Variants in SYNPR observed in about 807,000 individuals in gnomAD.
SYNPR encodes synaptoporin.
In SYNPR, 23 loss-of-function variants were observed where a neutral mutation model predicts 32.9. The observed-to-expected ratio is 0.70, with a 90% CI of 0.50 to 0.99. The LOEUF is 0.99. Ranked by LOEUF, SYNPR falls within the 50% of genes least tolerant of loss-of-function variation. The pLI is 0.00. For missense variants in SYNPR, 318 were observed against 349.3 expected (o/e 0.91, Z 0.71); for synonymous variants, 146 against 135.9 (o/e 1.07, Z -0.52).
intron 1 of SYNPR, among the ~76,000 whole-genome samples, chr3:63,229,142 C>T (rs1225424846): frequency 6.6e-6 from 1 of 152,064 alleles, no homozygotes; most frequent in Non-Finnish European, 1.5e-5. Flanking sequence ...GATTTATAGC[C>T]TTGGGCAAAA....
chr3:63,458,498 G>A (rs1700524386), intron 2 of SYNPR, among the ~76,000 whole-genome samples: 1 of 152,050 alleles, frequency 6.6e-6, no homozygotes, highest in African/African-American at 2.4e-5. Flanking sequence ...GTCATCAAGT[G>A]AACTAGCCTG....
At chr3:63,242,888 T>A (rs548380652) in intron 1 of SYNPR, among the ~76,000 whole-genome samples, 1 of 151,384 alleles carries the variant, frequency 6.6e-6, no homozygotes, top group South Asian at 2.1e-4. Flanking sequence ...GTTTGAAAAA[T>A]GGGAAAGAAT....
chr3:63,354,761 T>G (rs1460588663), intron 2 of SYNPR, among the ~76,000 whole-genome samples: 2 of 152,182 alleles, frequency 1.3e-5, no homozygotes, highest in African/African-American at 2.4e-5. Flanking sequence ...GTCTTCTGAG[T>G]GTAGAAAATA....
chr3:63,557,070 T>C (rs1575709469), intron 4 of SYNPR, among the ~76,000 whole-genome samples: 1 of 152,192 alleles, frequency 6.6e-6, no homozygotes, highest in South Asian at 2.1e-4. Flanking sequence ...AGGATGATCA[T>C]ATATTAATAA....
rs10566584 is a variant in SYNPR at position 63,613,610 on chromosome 3, CAAAAAAAAAAAA to C, written c.601-1596_601-1585del. Among the ~76,000 whole-genome samples, 27 of 46,048 alleles carry C rather than the reference CAAAAAAAAAAAA, an allele frequency of 5.9e-4. 1 individual carries two copies. The highest frequency in any genetic ancestry group is 5.1e-3 in the Admixed American group (12 of 2,366). The allele number at this position is 46,048 out of a possible 152,430, so 30.2% of individuals were successfully genotyped here. Reference sequence around the variant, plus strand: ...TGCCTCAGTTCAATTTATGCTGCAGCAAAAAAAAAAAAAAAAAAAAAAAAAAAAAGTCTGCAA... The same window carrying C: ...TGCCTCAGTTCAATTTATGCTGCAGCAAAAAAAAAAAAAAAAAGTCTGCAA... On this transcript the variant is annotated intron_variant, in intron 5 of 5. Coordinates refer to ENST00000478300, the MANE Select transcript of SYNPR (RefSeq NM_001130003.2).
chr3:63,592,247 C>G (rs62250834), intron 4 of SYNPR, among the ~76,000 whole-genome samples: 1 of 152,132 alleles, frequency 6.6e-6, no homozygotes, highest in Admixed American at 6.5e-5. Flanking sequence ...GCCCTGCTAA[C>G]ACTTCGGTTT....
chr3:63,240,730 GC>G (rs2086235214), intron 1 of SYNPR, among the ~76,000 whole-genome samples: 1 of 152,102 alleles, frequency 6.6e-6, no homozygotes, highest in Non-Finnish European at 1.5e-5. Context: ...TGGAGTCATT[GC>G]CAGTTACACG....
chr3:63,240,858 A>C (rs2086236159), intron 1 of SYNPR, among the ~76,000 whole-genome samples: 2 of 152,116 alleles, frequency 1.3e-5, no homozygotes, highest in African/African-American at 4.8e-5. Flanking sequence ...ATGCCAGCAC[A>C]TCACCAGCTA....
At chr3:63,237,666 G>C (rs756671172) in intron 1 of SYNPR, among the ~76,000 whole-genome samples, 2 of 152,090 alleles carry the variant, frequency 1.3e-5, no homozygotes, top group Non-Finnish European at 2.9e-5. Context: ...CAAGGTCCTA[G>C]TTAAATCTTC....
At chr3:63,268,232 T>G (rs2086507367) in intron 3 of SYNPR, among the ~76,000 whole-genome samples, 1 of 152,242 alleles carries the variant, frequency 6.6e-6, no homozygotes, top group Admixed American at 6.5e-5. Context: ...GAGGAAATCA[T>G]TAGGTTATGT....
chr3:63,422,125 A>T (rs1284427347), intron 2 of SYNPR, among the ~76,000 whole-genome samples: 1 of 152,192 alleles, frequency 6.6e-6, no homozygotes, highest in African/African-American at 2.4e-5. Flanking sequence ...AGGTTAGGAA[A>T]TTACACAGGG....
intron 2 of SYNPR, among the ~76,000 whole-genome samples, chr3:63,467,367 A>C (rs1559507726): frequency 6.6e-6 from 1 of 152,138 alleles, no homozygotes; most frequent in South Asian, 2.1e-4. Context: ...TAAACTAATG[A>C]ATTTGTTCCC....
the SYNPR span, among the ~76,000 whole-genome samples, chr3:63,207,619 T>C: frequency 1.3e-5 from 2 of 152,136 alleles, no homozygotes; most frequent in Non-Finnish European, 2.9e-5. Context: ...CTCAGTATAA[T>C]ATGAATCATG....
intron 2 of SYNPR, among the ~76,000 whole-genome samples, chr3:63,372,819 G>A (rs1438011171): frequency 2.0e-5 from 3 of 152,184 alleles, no homozygotes; most frequent in Non-Finnish European, 2.9e-5. Flanking sequence ...GCTAGCACTT[G>A]AGTGGGAGAG....
At chr3:63,414,306 A>G (rs1319938470) in intron 2 of SYNPR, among the ~76,000 whole-genome samples, 5 of 152,142 alleles carry the variant, frequency 3.3e-5, no homozygotes, top group Non-Finnish European at 7.4e-5. Context: ...ATCTTTTGAA[A>G]AAACCTCACA....
intron 2 of SYNPR, among the ~76,000 whole-genome samples, chr3:63,294,440 C>T (rs1427403489): frequency 2.6e-5 from 4 of 152,098 alleles, no homozygotes; most frequent in Non-Finnish European, 5.9e-5. Context: ...TATTTATATT[C>T]TTATTTTCGT....
chr3:63,308,278 T>C (rs1421762490), intron 2 of SYNPR, among the ~76,000 whole-genome samples: 1 of 152,036 alleles, frequency 6.6e-6, no homozygotes, highest in Non-Finnish European at 1.5e-5. Flanking sequence ...CAACACAAAA[T>C]ATCAAACATA....
chr3:63,305,341 T>C (rs1248063925), intron 2 of SYNPR, among the ~76,000 whole-genome samples: 1 of 152,026 alleles, frequency 6.6e-6, no homozygotes, highest in Non-Finnish European at 1.5e-5. Flanking sequence ...CCTTCAGAAA[T>C]TATGTGAATA....
At chr3:63,501,436 G>A (rs1701476533) in intron 3 of SYNPR, among the ~76,000 whole-genome samples, 1 of 141,046 alleles carries the variant, frequency 7.1e-6, no homozygotes, top group Admixed American at 7.5e-5. Context: ...CTGAGTTTCT[G>A]TTAGTGCTCT....
Sources: gnomAD v4.1 joint callset for allele counts (sites outside exome capture counted in the v4.1 genomes callset) on GRCh38, gnomAD v4.1.1 for gene constraint, MANE v1.5 for transcripts, NCBI Gene and HGNC (gene_info 2026-07-23, HGNC 2026-07-21) for gene names.